The following SYNE1 variants were observed in gnomAD, a reference collection of about 807,000 sequenced individuals.
SYNE1 encodes nesprin-1.
In SYNE1, 616 loss-of-function variants were observed where a neutral mutation model predicts 1,111.0. The ratio of observed to expected loss-of-function variants is 0.55; its 90% CI spans 0.52 to 0.59. The LOEUF (loss-of-function observed/expected upper bound fraction) is 0.59, where lower values mean the gene tolerates loss of function less well. SYNE1 is among the 20% of genes least tolerant of loss of function. SYNE1 has a pLI of 0.00. For synonymous variants in SYNE1, 3,855 were observed against 3,825.8 expected, an observed-to-expected ratio of 1.01 and a Z score of -0.28; for missense variants, 10,006 against 10,417.0, an observed-to-expected ratio of 0.96 and a Z score of 1.72.
intron 14 of SYNE1, 49 bp downstream of exon 14, chr6:152,483,036 A>G: frequency 6.2e-7 from 1 of 1,611,276 alleles, no homozygotes; most frequent in Non-Finnish European, 8.5e-7. Context: ...ACCTCTCCAG[A>G]CCACAGTAGG....
At chr6:152,415,999 A>T (rs1224050822) in intron 41 of SYNE1, among the ~76,000 whole-genome samples, 1 of 152,132 alleles carries the variant, frequency 6.6e-6, no homozygotes, top group African/African-American at 2.4e-5. Context: ...GGGCTTCAAC[A>T]CTTAAAGGGG....
At chr6:152,535,684 G>A (rs574188453) in intron 4 of SYNE1, among the ~76,000 whole-genome samples, 1 of 152,202 alleles carries the variant, frequency 6.6e-6, no homozygotes, top group Non-Finnish European at 1.5e-5. Context: ...GCAAGCATTT[G>A]ATAATAGAAA....
rs774409432 is a variant in SYNE1 at position 152,347,119 on chromosome 6, C to A, written c.12018G>T (p.Val4006=). 18 of 1,614,174 alleles carry A rather than the reference C, an allele frequency of 1.1e-5. No individual in the cohort carries two copies. Among genetic ancestry groups the A allele is most frequent in the Non-Finnish European group, 1.5e-5 (18 of 1,180,046 alleles). The part of the protein sequence containing the change: ...DHLQAKLKQN[V]HAHLQGTKDS... ...CCTTTGTGCCCTGCAGATGAGCATG[C>A]ACGTTTTGTTTAAGTTTCGCTTGCA... Residue 4006 remains valine (V), a synonymous_variant, in exon 73 of 146, where the codon GTG becomes GTT. Transcript: ENST00000367255.
Position 152,221,507 on chromosome 6 carries a change from G to C in SYNE1, c.21575C>G (p.Ser7192Cys), listed in dbSNP as rs2080174392. 6.2e-7 allele frequency: 1 copy of C among 1,613,782 alleles called. No individual in the cohort carries two copies. The highest frequency in any genetic ancestry group is 1.3e-5 in the African/African-American group (1 of 74,866). The change falls in exon 118 of 146, where the codon TCT (serine) becomes TGT (cysteine). Residue 7192 changes from serine to cysteine, a missense_variant. Around this residue, in one of 7 missense-constraint regions of SYNE1, gnomAD observed 2,182 missense variants for 2,287.8 expected, o/e 0.95. Transcript: ENST00000367255. ...KQERSLQKFG[S>C]ITNQLLKECH... The stretch of plus-strand genomic sequence containing the variant: ...CTCTTTTAATAATTGGTTGGTGATA[G>C]AGCCAAATTTCTGTAAGCTCCTTTC...
chr6:152,399,401 T>C (rs1229445103), intron 48 of SYNE1, among the ~76,000 whole-genome samples: 1 of 152,192 alleles, frequency 6.6e-6, no homozygotes, highest in Non-Finnish European at 1.5e-5. Context: ...AACTCTTGCT[T>C]TCTTGGGAAA....
intron 75 of SYNE1, 109 bp downstream of exon 75, chr6:152,339,132 A>G (rs983700066): frequency 9.8e-6 from 14 of 1,426,834 alleles, no homozygotes; most frequent in Non-Finnish European, 1.3e-5. Context: ...GAACCATTAC[A>G]TACAGCAAGA....
chr6:152,170,652 C>G (rs909986056), intron 130 of SYNE1, among the ~76,000 whole-genome samples: 2 of 152,224 alleles, frequency 1.3e-5, no homozygotes, highest in African/African-American at 4.8e-5. Context: ...GTAGAACACC[C>G]TTTAAACTGA....
Position 152,359,382 on chromosome 6 carries a change from T to C in SYNE1, c.10376A>G (p.His3459Arg), listed in dbSNP as rs756276439. ...IEVKGAGMTEHYVTQLELQDL... is the reference protein window; with the variant it reads ...IEVKGAGMTERYVTQLELQDL... ...CTGGAGTTCTAGCTGGGTGACATAGTGTTCTGTCATGCCAGCCCCTTTGAC... is the reference window on the plus strand; with the variant it reads ...CTGGAGTTCTAGCTGGGTGACATAGCGTTCTGTCATGCCAGCCCCTTTGAC... Residue 3459 changes from histidine to arginine, a missense_variant, in exon 65 of 146, where the codon CAC becomes CGC. By Grantham distance (29) the His-to-Arg change is conservative (BLOSUM62 0). Transcript: ENST00000367255. 11 of 1,614,184 alleles carry C rather than the reference T, an allele frequency of 6.8e-6. No individual in the cohort carries two copies. In the South Asian group the frequency reaches 1.2e-4, roughly 18 times the overall value.
intron 128 of SYNE1, among the ~76,000 whole-genome samples, chr6:152,188,985 ATAT>A (rs1227549454): frequency 5.4e-3 from 80 of 14,792 alleles, no homozygotes; most frequent in African/African-American, 0.013. Flanking sequence ...AAAAAAAAAA[ATAT>A]ATATATATAT....
intron 82 of SYNE1, among the ~76,000 whole-genome samples, 199 bp downstream of exon 82, chr6:152,323,279 A>C (rs1331946909): frequency 6.6e-6 from 1 of 152,192 alleles, no homozygotes; most frequent in Non-Finnish European, 1.5e-5. Context: ...TCTACTAAAA[A>C]TACAAAAAAT....
Position 152,505,403 on chromosome 6 carries a change from T to C in SYNE1, c.582-6A>G, listed in dbSNP as rs199728167. Reference sequence around the variant, plus strand: ...TTACTTCTATTCCAGTCTGCCTTTGTGTTATAAAAACATAAAATGATGTCA... The same window carrying C: ...TTACTTCTATTCCAGTCTGCCTTTGCGTTATAAAAACATAAAATGATGTCA... On this transcript the variant is annotated splice_polypyrimidine_tract_variant and splice_region_variant and intron_variant, in intron 8 of 145. Coordinates refer to ENST00000367255, the MANE Select transcript of SYNE1 (RefSeq NM_182961.4). 56 of 1,613,706 alleles carry C rather than the reference T, an allele frequency of 3.5e-5. No homozygotes were observed. Among genetic ancestry groups the C allele is most frequent in the Admixed American group, 1.7e-4 (10 of 60,000 alleles).
rs764265403 is a variant in SYNE1 at position 152,472,413 on chromosome 6, C to A, written c.1351G>T (p.Asp451Tyr). Residue 451 changes from aspartate (D) to tyrosine (Y), a missense_variant and splice_region_variant, in exon 15 of 146, where the codon GAT (aspartate) becomes TAT (tyrosine). Transcript: ENST00000367255. Reference sequence around the variant, plus strand: ...TGGGCATCCGTGTTTTGAAGCAGATCCTAAGATACAGTTTAAAAAAAAATA... The same window carrying A: ...TGGGCATCCGTGTTTTGAAGCAGATACTAAGATACAGTTTAAAAAAAAATA... Reference protein sequence around the residue: ...TIQRKLEQHKDLLQNTDAHKR... With the variant: ...TIQRKLEQHKYLLQNTDAHKR... The A allele has an allele frequency of 6.2e-7, 1 of 1,612,198 alleles. No individual in the cohort carries two copies.
At chr6:152,456,907 A>G (rs1410374542) in intron 22 of SYNE1, 1 of 257,404 alleles carries the variant, frequency 3.9e-6, no homozygotes, top group Non-Finnish European at 7.9e-6. Flanking sequence ...TTTGGGAAAA[A>G]CAGAATAAAG....
intron 62 of SYNE1, 44 bp downstream of exon 62, chr6:152,367,174 A>G: frequency 6.2e-7 from 1 of 1,613,856 alleles, no homozygotes; most frequent in Non-Finnish European, 8.5e-7. Flanking sequence ...TTTGAGAAAA[A>G]CAAATTCTGT....
chr6:152,324,090 T>C (rs2095971177), intron 81 of SYNE1, among the ~76,000 whole-genome samples: 1 of 152,164 alleles, frequency 6.6e-6, no homozygotes, highest in South Asian at 2.1e-4. Context: ...GCTTAAAACA[T>C]TAAACCTTTA....
chr6:152,344,701 T>G (rs754650564), intron 73 of SYNE1, among the ~76,000 whole-genome samples: 7 of 152,200 alleles, frequency 4.6e-5, no homozygotes, highest in Non-Finnish European at 8.8e-5. Context: ...AGGGTAAAAT[T>G]TGAACTAAAT....
intron 4 of SYNE1, among the ~76,000 whole-genome samples, chr6:152,537,064 C>T (rs1181985759): frequency 6.6e-6 from 1 of 152,082 alleles, no homozygotes; most frequent in East Asian, 1.9e-4. Context: ...TAATAAAATA[C>T]TCCACCTTCT....
intron 58 of SYNE1, among the ~76,000 whole-genome samples, chr6:152,374,635 G>T (rs564217255): frequency 6.6e-6 from 1 of 152,126 alleles, no homozygotes; most frequent in Non-Finnish European, 1.5e-5. Flanking sequence ...TTAGCTGGGC[G>T]TGTTGACGCA....
intron 114 of SYNE1, 102 bp downstream of exon 114, chr6:152,231,289 C>T: frequency 7.8e-7 from 1 of 1,281,474 alleles, no homozygotes; most frequent in Non-Finnish European, 1.1e-6. Flanking sequence ...GCGTTCTTTG[C>T]CCAGTATAGC....
Sources: allele counts gnomAD v4.1 joint callset (sites outside exome capture counted in the v4.1 genomes callset), GRCh38; gene constraint gnomAD v4.1.1; regional missense constraint gnomAD v4.1.1; transcripts MANE v1.5; gene names NCBI Gene and HGNC (gene_info 2026-07-23, HGNC 2026-07-21).